Variants in APBB2 observed in about 807,000 individuals in gnomAD.
The protein encoded by APBB2 is Fe65-like 1.
APBB2 carries 38 observed loss-of-function variants against 82.5 expected under a neutral mutation model. The observed-to-expected ratio is 0.46, with a 90% CI of 0.36 to 0.60. The LOEUF is 0.60. Among genes scored for constraint, APBB2 ranks in the 20% least tolerant of loss-of-function variants. The pLI, the probability that APBB2 is intolerant of heterozygous loss-of-function variation, is 0.00. For synonymous variants in APBB2, 341 were observed against 368.2 expected, an observed-to-expected ratio of 0.93 and a Z score of 0.85; for missense variants, 772 against 972.3, an observed-to-expected ratio of 0.79 and a Z score of 2.74.
intron 17 of APBB2, among the ~76,000 whole-genome samples, chr4:40,819,040 TG>T (rs1228299962): frequency 2.0e-5 from 3 of 151,326 alleles, no homozygotes; most frequent in Non-Finnish European, 2.9e-5. Flanking sequence ...CTGTATGGGG[TG>T]GGGGGGCGGC....
chr4:41,140,604 A>G, intron 2 of APBB2, among the ~76,000 whole-genome samples: 1 of 152,134 alleles, frequency 6.6e-6, no homozygotes, highest in East Asian at 1.9e-4. Flanking sequence ...GGCCCCTGGT[A>G]CCAGTCTGTG....
At chr4:40,835,661 C>T (rs1000955631) in intron 12 of APBB2, among the ~76,000 whole-genome samples, 3 of 152,212 alleles carry the variant, frequency 2.0e-5, no homozygotes, top group Non-Finnish European at 4.4e-5. Context: ...CTTGCCAGGA[C>T]TGGCCCTTAC....
Position 40,893,299 on chromosome 4 carries a change from T to C in APBB2, c.1367A>G (p.Asn456Ser), listed in dbSNP as rs755193631. The part of the protein sequence containing the change: ...NCIRQLSYCK[N>S]DIRDTVGIWG... ...AATCCCGACTGTGTCTCGGATGTCA[T>C]TTTTGCAGTAGGAAAGTTGCCTGAT... is the stretch of plus-strand genomic sequence containing the variant. The change falls in exon 11 of 18, where the codon AAT becomes AGT. Residue 456 changes from asparagine (N) to serine (S), a missense_variant. Physicochemically the swap from Asn to Ser is conservative, Grantham distance 46 (BLOSUM62 1). Transcript: ENST00000508593. 4.3e-6 allele frequency: 7 copies of C among 1,613,780 alleles called. No homozygotes were observed. The highest frequency in any genetic ancestry group is 5.9e-6 in the Non-Finnish European group (7 of 1,179,896).
rs1726682188 is a variant in APBB2 at position 41,053,162 on chromosome 4, C to G, written c.-51+12414G>C. 2.6e-5 allele frequency among the ~76,000 whole-genome samples: 4 copies of G among 152,080 alleles called. No homozygotes were observed. In the South Asian group the frequency reaches 8.3e-4, roughly 32 times the overall value. On this transcript the variant is annotated intron_variant, in intron 4 of 17. Transcript: ENST00000508593. ...GAAAGCATTCCAGGTCTCAAGTTTCCAAGGCTAGGGAAAAAAGTGAAATTT... is the reference window on the plus strand; with the variant it reads ...GAAAGCATTCCAGGTCTCAAGTTTCGAAGGCTAGGGAAAAAAGTGAAATTT...
intron 3 of APBB2, among the ~76,000 whole-genome samples, chr4:41,081,854 C>G (rs909997008): frequency 6.6e-6 from 1 of 151,984 alleles, no homozygotes; most frequent in Admixed American, 6.6e-5. Context: ...CAATGAAGTA[C>G]TAAGGAAAGT....
intron 1 of APBB2, among the ~76,000 whole-genome samples, chr4:41,180,996 A>G (rs1771178858): frequency 6.6e-6 from 1 of 152,250 alleles, no homozygotes; most frequent in Admixed American, 6.5e-5. Flanking sequence ...GGTTAACAGA[A>G]TAGGTGCTCT....
At chr4:40,942,967 C>T (rs1017867699) in intron 7 of APBB2, among the ~76,000 whole-genome samples, 1 of 152,212 alleles carries the variant, frequency 6.6e-6, no homozygotes, top group Non-Finnish European at 1.5e-5. Flanking sequence ...CACACACCCC[C>T]GCCTGGGCCT....
intron 2 of APBB2, among the ~76,000 whole-genome samples, chr4:41,121,816 C>G (rs1316441936): frequency 6.6e-6 from 1 of 152,112 alleles, no homozygotes; most frequent in Non-Finnish European, 1.5e-5. Flanking sequence ...GATGCAGCCA[C>G]GTCTTTGTGG....
chr4:40,978,014 T>A (rs1053136417), intron 6 of APBB2, among the ~76,000 whole-genome samples: 1 of 152,220 alleles, frequency 6.6e-6, no homozygotes, highest in African/African-American at 2.4e-5. Context: ...GTAAATATAA[T>A]AGAAATGTTC....
At chr4:40,844,533 G>A (rs1756950847) in intron 12 of APBB2, among the ~76,000 whole-genome samples, 1 of 152,202 alleles carries the variant, frequency 6.6e-6, no homozygotes, top group African/African-American at 2.4e-5. Context: ...ACAGTCACCT[G>A]GGGGAGTGGC....
intron 10 of APBB2, among the ~76,000 whole-genome samples, chr4:40,930,432 TGTGTGTGTGTGTGTGTGC>T (rs1332494169): frequency 2.5e-5 from 1 of 40,224 alleles, no homozygotes; most frequent in Admixed American, 3.5e-4. Context: ...TGTGTGTGTG[TGTGTGTGTGTGTGTGTGC>T]GCGCGCGCGC....
chr4:40,927,763 G>C (rs1782997033), intron 10 of APBB2, among the ~76,000 whole-genome samples: 3 of 152,148 alleles, frequency 2.0e-5, no homozygotes, highest in Non-Finnish European at 4.4e-5. Context: ...ATTACTTAAA[G>C]CATGAGCCAC....
At chr4:40,914,255 C>A (rs1779299389) in intron 10 of APBB2, among the ~76,000 whole-genome samples, 1 of 152,102 alleles carries the variant, frequency 6.6e-6, no homozygotes, top group South Asian at 2.1e-4. Context: ...CGCCTATAGT[C>A]CCAGCTACTT....
chr4:40,909,001 A>G (rs1051326638), intron 10 of APBB2, among the ~76,000 whole-genome samples: 3 of 152,100 alleles, frequency 2.0e-5, no homozygotes, highest in Non-Finnish European at 4.4e-5. Flanking sequence ...TGCTCTCCAC[A>G]CTGTTTTCCA....
At chr4:40,934,364 G>C in intron 10 of APBB2, 92 bp downstream of exon 10, 1 of 1,261,952 alleles carries the variant, frequency 7.9e-7, no homozygotes, top group East Asian at 2.3e-5. Flanking sequence ...AATGGCTCTG[G>C]GTTGATGGTT....
At chr4:40,866,405 C>T (rs1262076105) in intron 12 of APBB2, among the ~76,000 whole-genome samples, 3 of 151,870 alleles carry the variant, frequency 2.0e-5, no homozygotes, top group Non-Finnish European at 2.9e-5. Context: ...GGAGCTTACC[C>T]GATGATCGTT....
At chr4:40,972,363 G>A (rs1283681284) in intron 6 of APBB2, among the ~76,000 whole-genome samples, 1 of 151,664 alleles carries the variant, frequency 6.6e-6, no homozygotes, top group Non-Finnish European at 1.5e-5. Flanking sequence ...GGGAGGCAGA[G>A]CTTGCAGTGA....
chr4:40,825,978 G>A lies in APBB2; in HGVS notation c.1733-8C>T, dbSNP rs1318341883. ...TTGGTGTTGGAAAATCTACTACAGG[G>A]AACAAAAGCAACACATCTTTCTCAG... On this transcript the variant is annotated splice_region_variant and splice_polypyrimidine_tract_variant and intron_variant, in intron 14 of 17. Coordinates refer to ENST00000508593, the MANE Select transcript of APBB2 (RefSeq NM_004307.2). The A allele has an allele frequency of 6.2e-7, 1 of 1,611,206 alleles. No homozygotes were observed. The highest frequency in any genetic ancestry group is 8.5e-7 in the Non-Finnish European group (1 of 1,177,406).
chr4:41,197,000 G>C, intron 1 of APBB2, among the ~76,000 whole-genome samples: 1 of 152,050 alleles, frequency 6.6e-6, no homozygotes, highest in South Asian at 2.1e-4. Context: ...GATGTCACTG[G>C]GTAATTTGAA....
Sources: allele counts gnomAD v4.1 joint callset (sites outside exome capture counted in the v4.1 genomes callset), GRCh38; gene constraint gnomAD v4.1.1; transcripts MANE v1.5; gene names NCBI Gene and HGNC (gene_info 2026-07-23, HGNC 2026-07-21).